Variants in FRMD4A observed in about 807,000 individuals in gnomAD.
FRMD4A encodes FERM domain-containing protein 4A.
FRMD4A carries 29 observed loss-of-function variants against 129.1 expected under a neutral mutation model. That is an observed-to-expected ratio of 0.22 (90% confidence interval 0.17 to 0.31). FRMD4A has a LOEUF of 0.31. Among genes scored for constraint, FRMD4A ranks in the 10% least tolerant of loss-of-function variants. The probability of loss-of-function intolerance (pLI) is 1.00; values close to 1 mark genes in which losing one functional copy is unlikely to be tolerated. For missense variants in FRMD4A, 1,272 were observed against 1,375.8 expected, an observed-to-expected ratio of 0.92 and a Z score of 1.19; for synonymous variants, 634 against 571.6, an observed-to-expected ratio of 1.11 and a Z score of -1.56.
intron 2 of FRMD4A, among the ~76,000 whole-genome samples, chr10:14,035,041 C>G (rs1833430541): frequency 6.6e-6 from 1 of 152,072 alleles, no homozygotes; most frequent in Admixed American, 6.6e-5. Context: ...TGAAACAGTA[C>G]AATCTGAAAA....
intron 12 of FRMD4A, 60 bp from the exon 13 acceptor site, chr10:13,707,173 CCT>C (rs2087544881): frequency 4.0e-6 from 4 of 1,006,540 alleles, no homozygotes; most frequent in Admixed American, 1.7e-5. Context: ...GCCATCTTCC[CCT>C]CTCTGCTGGT....
chr10:14,249,050 T>C (rs1418857459), intron 2 of FRMD4A, among the ~76,000 whole-genome samples: 1 of 152,004 alleles, frequency 6.6e-6, no homozygotes, highest in Admixed American at 6.6e-5. Context: ...AAAACTGAGG[T>C]TCAGATATTA....
At chr10:13,889,611 C>T (rs2094670961) in intron 2 of FRMD4A, among the ~76,000 whole-genome samples, 1 of 152,152 alleles carries the variant, frequency 6.6e-6, no homozygotes, top group Non-Finnish European at 1.5e-5. Flanking sequence ...AATAACAAGT[C>T]TTATTAATAA....
chr10:14,106,420 G>A (rs1837590710), intron 2 of FRMD4A, among the ~76,000 whole-genome samples: 1 of 152,126 alleles, frequency 6.6e-6, no homozygotes, highest in Non-Finnish European at 1.5e-5. Flanking sequence ...TGGTGAGTGA[G>A]GAATACTAAT....
At chr10:14,201,827 G>A (rs1005013517) in intron 2 of FRMD4A, among the ~76,000 whole-genome samples, 5 of 152,150 alleles carry the variant, frequency 3.3e-5, no homozygotes, top group African/African-American at 4.8e-5. Context: ...GAAGACCTTC[G>A]TGTCTTTAAA....
chr10:14,164,053 C>A (rs2131874434), intron 2 of FRMD4A, among the ~76,000 whole-genome samples: 1 of 152,324 alleles, frequency 6.6e-6, no homozygotes, highest in East Asian at 1.9e-4. Context: ...ACAGCTCCCA[C>A]AGAGGCTTCC....
intron 2 of FRMD4A, among the ~76,000 whole-genome samples, chr10:14,171,246 C>T (rs1841462056): frequency 6.6e-6 from 1 of 152,158 alleles, no homozygotes; most frequent in Non-Finnish European, 1.5e-5. Context: ...TCACCCCTGC[C>T]TCTGCAAACA....
intron 2 of FRMD4A, among the ~76,000 whole-genome samples, chr10:14,078,955 C>A (rs986302455): frequency 6.6e-6 from 1 of 152,306 alleles, no homozygotes; most frequent in East Asian, 1.9e-4. Context: ...GGAAACAGGA[C>A]TAACCCTAGG....
At chr10:13,923,037 T>C (rs967712532) in intron 2 of FRMD4A, among the ~76,000 whole-genome samples, 4 of 152,144 alleles carry the variant, frequency 2.6e-5, no homozygotes, top group Admixed American at 6.5e-5. Flanking sequence ...AATGATAACC[T>C]AGGGTAATCA....
In FRMD4A at chr10:13,969,698, CT is replaced by C. The variant is rs1482390244; in HGVS notation, c.46-110787del. Among the ~76,000 whole-genome samples, 3 of 152,000 alleles carry C rather than the reference CT, an allele frequency of 2.0e-5. No individual in the cohort carries two copies. The East Asian group carries it at 5.8e-4, about 29-fold the overall frequency. ...AGACCCCCATCTCTACAAAAAAATT[CT>C]AAAAAATAGCTGAGCATGGTGACAT... On this transcript the variant is annotated intron_variant, in intron 2 of 24. Transcript: ENST00000357447.
chr10:13,660,587 C>A, intron 19 of FRMD4A, 34 bp from the exon 20 acceptor site: 2 of 1,350,330 alleles, frequency 1.5e-6, no homozygotes, highest in African/African-American at 2.9e-5. Context: ...AACTGAGCCC[C>A]GGTCATCCTT....
chr10:14,301,871 G>T (rs923801108), intron 2 of FRMD4A, among the ~76,000 whole-genome samples: 1 of 152,072 alleles, frequency 6.6e-6, no homozygotes, highest in Non-Finnish European at 1.5e-5. Context: ...TGAAGAGTAG[G>T]CTGTATAACC....
At position 14,094,564 on chromosome 10, in the gene FRMD4A, A is replaced by G. The variant is rs141115354; in HGVS notation, c.45+235494T>C. On this transcript the variant is annotated intron_variant, in intron 2 of 24. Transcript: ENST00000357447. ...TGTTCCTCCAACACCCAAACAGAAA[A>G]CTGCAAGAGAGAGGTGGGCATGGTA... Among the ~76,000 whole-genome samples, 58 of 152,104 alleles carry G rather than the reference A, an allele frequency of 3.8e-4. 1 individual carries two copies. In the East Asian group the frequency reaches 0.011, roughly 28 times the overall value.
rs1355192120 is a variant in FRMD4A, at chr10:13,821,849, C to T, written c.112-10941G>A. 2.6e-5 allele frequency among the ~76,000 whole-genome samples: 4 copies of T among 152,150 alleles called. No individual in the cohort carries two copies. The highest frequency in any genetic ancestry group is 5.9e-5 in the Non-Finnish European group (4 of 68,036). On this transcript the variant is annotated intron_variant, in intron 3 of 24. Coordinates refer to ENST00000357447, the MANE Select transcript of FRMD4A (RefSeq NM_018027.5). This position sits in a 1 kb window ranked among gnomAD's most constrained non-coding sequence, Gnocchi z 4.3. ...AGGAAAGCCTAGAGGAGGCCAGAAA[C>T]CTGTCCAGGACGAGGGTGGGCACCT...
At chr10:13,827,596 C>T (rs1469424751) in intron 3 of FRMD4A, among the ~76,000 whole-genome samples, 2 of 152,114 alleles carry the variant, frequency 1.3e-5, no homozygotes, top group Non-Finnish European at 2.9e-5. Context: ...TCAGGCAAAG[C>T]GAAACAGCCT....
intron 2 of FRMD4A, among the ~76,000 whole-genome samples, chr10:13,907,082 G>C (rs2094889772): frequency 6.6e-6 from 1 of 152,118 alleles, no homozygotes; most frequent in Admixed American, 6.5e-5. Flanking sequence ...CAGCAAGTCA[G>C]TGACAACACT....
intron 6 of FRMD4A, among the ~76,000 whole-genome samples, chr10:13,767,543 G>C (rs1031632075): frequency 3.9e-5 from 6 of 152,210 alleles, no homozygotes; most frequent in Non-Finnish European, 5.9e-5. Context: ...CCGGCCAGAG[G>C]TGGCATCTTT....
At chr10:14,038,255 G>A (rs1045385671) in intron 2 of FRMD4A, among the ~76,000 whole-genome samples, 2 of 152,134 alleles carry the variant, frequency 1.3e-5, no homozygotes, top group Admixed American at 6.5e-5. Flanking sequence ...CCCGGGCGGC[G>A]GAGCTTGCAG....
At chr10:14,313,561 G>A (rs1052340367) in intron 2 of FRMD4A, among the ~76,000 whole-genome samples, 1 of 151,952 alleles carries the variant, frequency 6.6e-6, no homozygotes, top group African/African-American at 2.4e-5. Context: ...AATGTTTTTT[G>A]TTTTTCTATT....
Sources: allele counts gnomAD v4.1 joint callset (sites outside exome capture counted in the v4.1 genomes callset), GRCh38; gene constraint gnomAD v4.1.1; non-coding constraint Gnocchi (gnomAD v3.1); transcripts MANE v1.5; gene names NCBI Gene and HGNC (gene_info 2026-07-23, HGNC 2026-07-21).